Variants in SLC22A12 observed in about 807,000 individuals in gnomAD.
The protein encoded by SLC22A12 is solute carrier family 22 member 12.
Under a neutral mutation model 52.7 loss-of-function variants are expected in SLC22A12, and 56 were observed. The observed-to-expected ratio is 1.06, with a 90% CI of 0.86 to 1.33. The LOEUF (loss-of-function observed/expected upper bound fraction) is 1.33. Ranked by LOEUF, SLC22A12 falls within the 40% of genes most tolerant of loss-of-function variation. The pLI is 0.00. For synonymous variants in SLC22A12, 337 were observed against 324.6 expected, an observed-to-expected ratio of 1.04 and a Z score of -0.41; for missense variants, 683 against 741.5, an observed-to-expected ratio of 0.92 and a Z score of 0.92.
In SLC22A12 at chr11:64,591,869, G is replaced by A; in HGVS notation, c.313G>A (p.Ala105Thr). The stretch of plus-strand genomic sequence containing the variant: ...GCAGCTCTTGGACCCCAATGCCACG[G>A]CCACCAGCTGGAGCGAGGCCGACAC... Reference protein sequence around the residue: ...QWQLLDPNATATSWSEADTEP... With the variant: ...QWQLLDPNATTTSWSEADTEP... Residue 105 changes from alanine (A) to threonine (T), a missense_variant, in exon 1 of 10, where the codon GCC becomes ACC. By Grantham distance (58) the Ala-to-Thr change is moderately conservative. Transcript: ENST00000377574. 2 of 1,612,544 alleles carry A rather than the reference G, an allele frequency of 1.2e-6. No individual in the cohort carries two copies. The highest frequency in any genetic ancestry group is 1.7e-6 in the Non-Finnish European group (2 of 1,180,030).
chr11:64,600,939 G>A lies in SLC22A12; in HGVS notation c.1598+1G>A. ...ACACCATCCAAGATGTGCAGAACCA[G>A]TGAGTGGACCCAGCCTCGGGACCAC... On this transcript the variant is annotated splice_donor_variant, in intron 9 of 9. Transcript: ENST00000377574. LOFTEE classifies it high-confidence loss of function. The A allele has an allele frequency of 3.1e-6, 5 of 1,607,642 alleles. No individual in the cohort carries two copies. The highest frequency in any genetic ancestry group is 2.2e-5 in the East Asian group (1 of 44,874).
At position 64,593,823 on chromosome 11, in the gene SLC22A12, C is replaced by A; in HGVS notation, c.830+20C>A. Reference sequence around the variant, plus strand: ...CTCCTGGTGGGTGCTGTGCCCCACTCCCCTCCTCAGAGGAGATCCTGCCCA... The same window carrying A: ...CTCCTGGTGGGTGCTGTGCCCCACTACCCTCCTCAGAGGAGATCCTGCCCA... On this transcript the variant is annotated intron_variant, in intron 4 of 9. Transcript: ENST00000377574. The A allele has an allele frequency of 6.2e-7, 1 of 1,600,194 alleles. No homozygotes were observed. The highest frequency in any genetic ancestry group is 1.1e-5 in the South Asian group (1 of 90,870).
intron 4 of SLC22A12, among the ~76,000 whole-genome samples, chr11:64,595,699 AGATGGATG>A (rs758110821): frequency 4.7e-5 from 5 of 106,144 alleles, no homozygotes; most frequent in African/African-American, 1.9e-4. Flanking sequence ...TGGTTGGAAT[AGATGGATG>A]GATGGATGGA....
chr11:64,597,638 C>A (rs572382128), intron 4 of SLC22A12, among the ~76,000 whole-genome samples: 60 of 152,212 alleles, frequency 3.9e-4, no homozygotes, highest in Middle Eastern at 3.2e-3. Context: ...GAGCTCAGGG[C>A]CCCGGTGGGT....
At position 64,593,477 on chromosome 11, in the gene SLC22A12, C is replaced by T; in HGVS notation, c.579C>T (p.Ala193=). 2 of 1,614,126 alleles carry T rather than the reference C, an allele frequency of 1.2e-6. No homozygotes were observed. Among genetic ancestry groups the T allele is most frequent in the Middle Eastern group, 1.6e-4 (1 of 6,062 alleles). The change falls in exon 3 of 10, where the codon GCC becomes GCT. Residue 193 remains alanine (A), a synonymous_variant. Transcript: ENST00000377574. ...MAVMGTAAAF[A]PAFPVYCLFR... ...TGATGGGTACGGCAGCTGCCTTCGC[C>T]CCTGCCTTCCCCGTGTACTGCCTGT...
chr11:64,601,580 C>A lies in SLC22A12; in HGVS notation c.*29C>A. On this transcript the variant is annotated 3_prime_UTR_variant, in exon 10 of 10. Coordinates refer to ENST00000377574, the MANE Select transcript of SLC22A12 (RefSeq NM_144585.4). ...CCTGGGGAACCTGCGATGGGACGGTCAGAGGAAGAGACTTCTTCTGTTCTC... is the reference window on the plus strand; with the variant it reads ...CCTGGGGAACCTGCGATGGGACGGTAAGAGGAAGAGACTTCTTCTGTTCTC... 6.2e-7 allele frequency: 1 copy of A among 1,611,014 alleles called. No homozygotes were observed. The highest frequency in any genetic ancestry group is 1.1e-5 in the South Asian group (1 of 90,950).
chr11:64,593,747 G>C lies in SLC22A12; in HGVS notation c.774G>C (p.Trp258Cys), dbSNP rs121907892. The C allele has an allele frequency of 6.2e-7, 1 of 1,613,338 alleles. No homozygotes were observed. The highest frequency in any genetic ancestry group is 8.5e-7 in the Non-Finnish European group (1 of 1,180,022). ...CAGTGGCCTACGGTGTGCGGGACTG[G>C]ACACTGCTGCAGCTGGTGGTCTCGG... is the stretch of plus-strand genomic sequence containing the variant. ...TAAVAYGVRDWTLLQLVVSVP... is the reference protein window; with the variant it reads ...TAAVAYGVRDCTLLQLVVSVP... The change falls in exon 4 of 10, where the codon TGG becomes TGC. Residue 258 changes from tryptophan (W) to cysteine (C), a missense_variant. Physicochemically the swap from Trp to Cys is radical, Grantham distance 215. Transcript: ENST00000377574.
Position 64,600,853 on chromosome 11 carries a change from C to T in SLC22A12, c.1513C>T (p.Pro505Ser), listed in dbSNP as rs1165233369. Residue 505 changes from proline (P) to serine (S), a missense_variant, in exon 9 of 10, where the codon CCA (proline) becomes TCA (serine). Coordinates refer to ENST00000377574, the MANE Select transcript of SLC22A12 (RefSeq NM_144585.4). The stretch of plus-strand genomic sequence containing the variant: ...GCCCTTGCTGGTGTATGGGACGGTG[C>T]CAGTGCTGAGTGGCCTGGCCGCACT... ...WLPLLVYGTVPVLSGLAALLL... is the reference protein window; with the variant it reads ...WLPLLVYGTVSVLSGLAALLL... 6.8e-6 allele frequency: 11 copies of T among 1,608,634 alleles called. No individual in the cohort carries two copies. Among genetic ancestry groups the T allele is most frequent in the African/African-American group, 1.3e-5 (1 of 74,878 alleles).
intron 5 of SLC22A12, 68 bp from the exon 6 acceptor site, chr11:64,598,740 G>A: frequency 6.2e-7 from 1 of 1,607,586 alleles, no homozygotes. Flanking sequence ...TCCCTGGGAA[G>A]AAGGTCTCAG....
In SLC22A12 at chr11:64,598,830, A is replaced by G. The variant is rs1313798376; in HGVS notation, c.977A>G (p.Glu326Gly). 6.2e-7 allele frequency: 1 copy of G among 1,612,548 alleles called. No individual in the cohort carries two copies. Among genetic ancestry groups the G allele is most frequent in the African/African-American group, 1.3e-5 (1 of 75,034 alleles). The change falls in exon 6 of 10, where the codon GAG becomes GGG. Residue 326 changes from glutamate to glycine, a missense_variant. Glu to Gly is a moderately conservative substitution (Grantham distance 98). Coordinates refer to ENST00000377574, the MANE Select transcript of SLC22A12 (RefSeq NM_144585.4). ...TPEVLLSAMR[E>G]ELSMGQPPAS... is the part of the protein sequence containing the mutation. ...CAGGTCTTGCTTTCAGCCATGCGGGAGGAGCTGAGCATGGGCCAGCCTCCT... is the reference window on the plus strand; with the variant it reads ...CAGGTCTTGCTTTCAGCCATGCGGGGGGAGCTGAGCATGGGCCAGCCTCCT...
At chr11:64,600,328 GC>G (rs1252520509) in intron 7 of SLC22A12, 38 bp from the exon 8 acceptor site, 2 of 1,485,716 alleles carry the variant, frequency 1.3e-6, no homozygotes, top group South Asian at 2.4e-5. Context: ...CTGATCTTGG[GC>G]CCCCCACCAA....
rs375375872 is a variant in SLC22A12, at chr11:64,600,922, C to A, written c.1582C>A (p.Gln528Lys). The A allele has an allele frequency of 3.7e-6, 6 of 1,608,768 alleles. No individual in the cohort carries two copies. In the African/African-American group the frequency reaches 6.7e-5, roughly 18 times the overall value. Residue 528 changes from glutamine (Q) to lysine (K), a missense_variant, in exon 9 of 10, where the codon CAA becomes AAA. Gln to Lys is a moderately conservative substitution (Grantham distance 53, BLOSUM62 1). Transcript: ENST00000377574. ...TQSLPLPDTI[Q>K]DVQNQAVKKA... ...GAGCTTGCCGCTGCCCGACACCATCCAAGATGTGCAGAACCAGTGAGTGGA... is the reference window on the plus strand; with the variant it reads ...GAGCTTGCCGCTGCCCGACACCATCAAAGATGTGCAGAACCAGTGAGTGGA...
intron 6 of SLC22A12, 34 bp downstream of exon 6, chr11:64,598,957 G>C (rs1283670654): frequency 1.9e-6 from 3 of 1,609,324 alleles, no homozygotes; most frequent in Non-Finnish European, 2.5e-6. Flanking sequence ...ACCTCCACAG[G>C]GGAACCTGGA....
At position 64,591,780 on chromosome 11, in the gene SLC22A12, T is replaced by C. The variant is rs141570522; in HGVS notation, c.224T>C (p.Ile75Thr). 3.1e-4 allele frequency: 494 copies of C among 1,612,826 alleles called. No individual in the cohort carries two copies. Among genetic ancestry groups the C allele is most frequent in the Non-Finnish European group, 4.1e-4 (479 of 1,180,006 alleles). Reference protein sequence around the residue: ...GSLSPEALLAISIPPGPNQRP... With the variant: ...GSLSPEALLATSIPPGPNQRP... ...TTGAGTCCTGAGGCCCTCCTGGCTA[T>C]TTCCATCCCGCCGGGCCCCAACCAG... is the stretch of plus-strand genomic sequence containing the variant. Residue 75 changes from isoleucine to threonine, a missense_variant, in exon 1 of 10, where the codon ATT becomes ACT. Ile to Thr is a moderately conservative substitution (Grantham distance 89, BLOSUM62 -1). Coordinates refer to ENST00000377574, the MANE Select transcript of SLC22A12 (RefSeq NM_144585.4).
Position 64,591,882 on chromosome 11 carries a change from G to A in SLC22A12, c.326G>A (p.Ser109Asn). 1 of 1,612,662 alleles carries A rather than the reference G, an allele frequency of 6.2e-7. No individual in the cohort carries two copies. The highest frequency in any genetic ancestry group is 8.5e-7 in the Non-Finnish European group (1 of 1,180,024). Residue 109 changes from serine (S) to asparagine (N), a missense_variant, in exon 1 of 10, where the codon AGC (serine) becomes AAC (asparagine). Transcript: ENST00000377574. ...CCCAATGCCACGGCCACCAGCTGGA[G>A]CGAGGCCGACACGGAGCCGTGTGTG... ...LDPNATATSW[S>N]EADTEPCVDG... is the part of the protein sequence containing the mutation.
At chr11:64,593,016 C>G in intron 2 of SLC22A12, 134 bp downstream of exon 2, 1 of 788,068 alleles carries the variant, frequency 1.3e-6, no homozygotes, top group Non-Finnish European at 2.1e-6. Context: ...GTGTGGGTCT[C>G]GGACCAGCCA....
In SLC22A12 at chr11:64,601,600, G is replaced by A. The variant is rs2039458161; in HGVS notation, c.*49G>A. The A allele has an allele frequency of 2.5e-6, 4 of 1,598,594 alleles. No homozygotes were observed. The highest frequency in any genetic ancestry group is 4.5e-5 in the East Asian group (2 of 44,714). On this transcript the variant is annotated 3_prime_UTR_variant, in exon 10 of 10. Transcript: ENST00000377574. ...ACGGTCAGAGGAAGAGACTTCTTCT[G>A]TTCTCTGGAGAAGGCAGGAGGAAAG...
Position 64,593,534 on chromosome 11 carries a change from CG to C in SLC22A12, c.637del (p.Val213SerfsTer2). ...TCCTGTTGGCCTTTGCCGTGGCAGG[CG>C]TCATGATGAACACGGGCACTCTCCG... ...RFLLAFAVAG[V>X]MMNTGTLLME... On this transcript the variant is annotated frameshift_variant, in exon 3 of 10. Coordinates refer to ENST00000377574, the MANE Select transcript of SLC22A12 (RefSeq NM_144585.4). LOFTEE classifies it high-confidence loss of function. 2 of 1,614,172 alleles carry C rather than the reference CG, an allele frequency of 1.2e-6. No individual in the cohort carries two copies. Among genetic ancestry groups the C allele is most frequent in the Non-Finnish European group, 1.7e-6 (2 of 1,180,050 alleles).
At chr11:64,593,585 A>T (rs1386252697) in intron 3 of SLC22A12, 26 bp downstream of exon 3, 1 of 1,613,958 alleles carries the variant, frequency 6.2e-7, no homozygotes, top group Non-Finnish European at 8.5e-7. Flanking sequence ...GGCGCCATGC[A>T]GGGGGGCTCC....
Sources: allele counts gnomAD v4.1 joint callset (sites outside exome capture counted in the v4.1 genomes callset), GRCh38; gene constraint gnomAD v4.1.1; transcripts MANE v1.5; gene names NCBI Gene and HGNC (gene_info 2026-07-23, HGNC 2026-07-21).